The following GHR variants were observed in gnomAD, a reference collection of about 807,000 sequenced individuals.
GHR encodes GH receptor.
In GHR, 35 loss-of-function variants were observed where a neutral mutation model predicts 67.1. The observed-to-expected ratio is 0.52, with a 90% CI of 0.40 to 0.69. GHR has a LOEUF of 0.69. Ranked by LOEUF, GHR falls within the 30% of genes least tolerant of loss-of-function variation. The pLI is 0.00. For synonymous variants in GHR, 272 were observed against 269.1 expected (o/e 1.01, Z -0.10); for missense variants, 792 against 764.6 (o/e 1.04, Z -0.42).
intron 1 of GHR, among the ~76,000 whole-genome samples, chr5:42,527,866 G>A (rs1420567464): frequency 6.6e-6 from 1 of 151,888 alleles, no homozygotes; most frequent in Non-Finnish European, 1.5e-5. Context: ...AAAATCAGAG[G>A]GCCCTTAAGA....
At position 42,467,372 on chromosome 5, in the gene GHR, C is replaced by G. The variant is rs112129185; in HGVS notation, c.-12+43417C>G. On this transcript the variant is annotated intron_variant, in intron 1 of 9. Coordinates refer to ENST00000230882, the MANE Select transcript of GHR (RefSeq NM_000163.5). ...ATCTGCGTAAAGGCTTTGCCAGAAT[C>G]GTTACAGGCAGAGGGCTTCTCCCCA... 605 of 952,502 alleles carry G rather than the reference C, an allele frequency of 6.4e-4. 2 individuals are homozygous for G. The African/African-American group carries it at 8.7e-3, about 14-fold the overall frequency. 59.0% of individuals were successfully genotyped at this position (952,502 alleles called of 1,614,324 possible). A position where few individuals can be genotyped will look rare whatever the true frequency, so the allele number is the denominator to read the frequency against.
At chr5:42,607,445 A>G (rs954733414) in intron 2 of GHR, among the ~76,000 whole-genome samples, 1 of 152,158 alleles carries the variant, frequency 6.6e-6, no homozygotes, top group Non-Finnish European at 1.5e-5. Context: ...AATTTCTTAA[A>G]CATCAACTAG....
intron 1 of GHR, among the ~76,000 whole-genome samples, chr5:42,497,435 TG>T (rs1353918372): frequency 1.3e-5 from 2 of 152,212 alleles, no homozygotes; most frequent in African/African-American, 4.8e-5. Context: ...CAATGATTAT[TG>T]GTGACAGTAT....
chr5:42,474,104 G>C (rs1366779540), intron 1 of GHR, among the ~76,000 whole-genome samples: 2 of 151,330 alleles, frequency 1.3e-5, no homozygotes, highest in Non-Finnish European at 2.9e-5. Context: ...TAGAAGAATC[G>C]CTTGAACCGA....
At chr5:42,444,902 G>A (rs184419892) in intron 1 of GHR, among the ~76,000 whole-genome samples, 77 of 152,082 alleles carry the variant, frequency 5.1e-4, no homozygotes, top group Non-Finnish European at 1.2e-4. Context: ...TAAGACTCGC[G>A]ATTTCTCTCA....
At chr5:42,693,216 C>T (rs1465170879) in intron 4 of GHR, among the ~76,000 whole-genome samples, 2 of 151,842 alleles carry the variant, frequency 1.3e-5, no homozygotes, top group Non-Finnish European at 2.9e-5. Context: ...TGGCTTACTG[C>T]AAACTTTGCC....
At chr5:42,586,802 G>A (rs1751499986) in intron 2 of GHR, among the ~76,000 whole-genome samples, 1 of 152,024 alleles carries the variant, frequency 6.6e-6, no homozygotes, top group South Asian at 2.1e-4. Flanking sequence ...CAGAGGGCTG[G>A]GACTACAGCC....
intron 1 of GHR, among the ~76,000 whole-genome samples, chr5:42,499,385 C>T (rs1445513536): frequency 6.6e-6 from 1 of 152,194 alleles, no homozygotes; most frequent in Non-Finnish European, 1.5e-5. Context: ...CTTCATTGAT[C>T]GTCCACAAGC....
intron 1 of GHR, among the ~76,000 whole-genome samples, chr5:42,463,759 C>G (rs934591918): frequency 2.0e-5 from 3 of 151,670 alleles, no homozygotes; most frequent in Non-Finnish European, 4.4e-5. Flanking sequence ...TTTGGGAGGC[C>G]GAGGCGGGTG....
chr5:42,523,005 G>A (rs1165465249), intron 1 of GHR, among the ~76,000 whole-genome samples: 1 of 152,154 alleles, frequency 6.6e-6, no homozygotes, highest in Non-Finnish European at 1.5e-5. Context: ...GAGATTTTTA[G>A]ATGAAAAACA....
At chr5:42,714,210 A>G (rs903103595) in intron 8 of GHR, 1 of 152,150 alleles carries the variant, frequency 6.6e-6, no homozygotes, top group Non-Finnish European at 1.5e-5. Flanking sequence ...GCCTGGCCCC[A>G]TTTAAGGTAT....
At position 42,612,525 on chromosome 5, in the gene GHR, C is replaced by A. The variant is rs528085407; in HGVS notation, c.71-16513C>A. Among the ~76,000 whole-genome samples the A allele has an allele frequency of 1.7e-3, 265 of 152,068 alleles. 1 individual carries two copies. The highest frequency in any genetic ancestry group is 6.2e-3 in the African/African-American group (256 of 41,484). On this transcript the variant is annotated intron_variant, in intron 2 of 9. Coordinates refer to ENST00000230882, the MANE Select transcript of GHR (RefSeq NM_000163.5). The stretch of plus-strand genomic sequence containing the variant: ...TCAAACTAGCATGTGGGTTGAGACA[C>A]AACATCACATTACAAATGGGTAGTC...
chr5:42,594,486 G>GTGAA (rs1225493948), intron 2 of GHR, among the ~76,000 whole-genome samples: 1 of 152,088 alleles, frequency 6.6e-6, no homozygotes, highest in African/African-American at 2.4e-5. Context: ...TTCTTAAAAT[G>GTGAA]TGAAGACTAC....
chr5:42,569,077 G>C (rs570011765), intron 2 of GHR, among the ~76,000 whole-genome samples: 27 of 152,308 alleles, frequency 1.8e-4, no homozygotes, highest in African/African-American at 6.0e-4. Flanking sequence ...CTTCATGAAG[G>C]AGGTTGACAT....
intron 1 of GHR, among the ~76,000 whole-genome samples, chr5:42,479,307 T>C (rs1335895550): frequency 2.6e-5 from 4 of 152,228 alleles, no homozygotes; most frequent in African/African-American, 9.6e-5. Flanking sequence ...TTGAGAATTT[T>C]TGCATCAATG....
At chr5:42,555,184 A>G (rs1749242114) in intron 1 of GHR, among the ~76,000 whole-genome samples, 1 of 152,184 alleles carries the variant, frequency 6.6e-6, no homozygotes, top group Admixed American at 6.5e-5. Flanking sequence ...TCATGGAGAG[A>G]GCACACTGCA....
chr5:42,651,668 A>G (rs1000569181), intron 3 of GHR, among the ~76,000 whole-genome samples: 5 of 152,174 alleles, frequency 3.3e-5, no homozygotes, highest in Admixed American at 6.5e-5. Context: ...TTCCAAACTG[A>G]CATTATTAAT....
chr5:42,449,042 T>G (rs748986792), intron 1 of GHR, among the ~76,000 whole-genome samples: 1 of 152,230 alleles, frequency 6.6e-6, no homozygotes, highest in Non-Finnish European at 1.5e-5. Flanking sequence ...TATGGCCTTA[T>G]AGTGTAGTTT....
At chr5:42,459,389 A>G (rs1744392596) in intron 1 of GHR, among the ~76,000 whole-genome samples, 1 of 152,214 alleles carries the variant, frequency 6.6e-6, no homozygotes, top group South Asian at 2.1e-4. Flanking sequence ...GGAGGCCATT[A>G]TCCTAAGTGG....
Sources: allele counts gnomAD v4.1 joint callset (sites outside exome capture counted in the v4.1 genomes callset), GRCh38; gene constraint gnomAD v4.1.1; transcripts MANE v1.5; gene names NCBI Gene and HGNC (gene_info 2026-07-23, HGNC 2026-07-21).